ADGRL2: variants seen among roughly 807,000 people sequenced by gnomAD.
ADGRL2 encodes adhesion G protein-coupled receptor L2.
In ADGRL2, 44 loss-of-function variants were observed where a neutral mutation model predicts 157.4. That is an observed-to-expected ratio of 0.28 (90% confidence interval 0.22 to 0.36). ADGRL2 has a LOEUF of 0.36. Ranked by LOEUF, ADGRL2 falls within the 10% of genes least tolerant of loss-of-function variation. The pLI is 1.00. For missense variants in ADGRL2, 1,510 were observed against 1,768.9 expected, an observed-to-expected ratio of 0.85 and a Z score of 2.63; for synonymous variants, 585 against 624.7, an observed-to-expected ratio of 0.94 and a Z score of 0.95.
intron 1 of ADGRL2, among the ~76,000 whole-genome samples, chr1:81,817,743 G>A (rs1007697260): frequency 2.6e-5 from 4 of 151,966 alleles, no homozygotes; most frequent in African/African-American, 9.7e-5. Flanking sequence ...CCCATTCTGT[G>A]TTGTGCATTC....
chr1:81,406,437 G>A (rs1202706694), intron 1 of ADGRL2, among the ~76,000 whole-genome samples: 1 of 152,120 alleles, frequency 6.6e-6, no homozygotes, highest in Non-Finnish European at 1.5e-5. Flanking sequence ...TTCCTAAATA[G>A]TAACATCTGG....
chr1:81,353,946 G>A (rs181972054), intron 1 of ADGRL2, among the ~76,000 whole-genome samples: 13 of 152,240 alleles, frequency 8.5e-5, no homozygotes, highest in East Asian at 3.9e-4. Context: ...TTTGAGAAGC[G>A]TAGCATTTAA....
chr1:81,560,419 T>C (rs2080412924), intron 2 of ADGRL2, among the ~76,000 whole-genome samples: 1 of 152,334 alleles, frequency 6.6e-6, no homozygotes, highest in African/African-American at 2.4e-5. Context: ...TGAGTTAATA[T>C]ACATCGAATC....
chr1:81,990,284 AATAC>A, intron 23 of ADGRL2, 103 bp from the exon 24 acceptor site: 1 of 1,508,944 alleles, frequency 6.6e-7, no homozygotes, highest in East Asian at 2.3e-5. Flanking sequence ...TTAGCTTTCA[AATAC>A]AACTTTGTCC....
Position 81,315,332 on chromosome 1 carries a change from T to TA in ADGRL2, c.-302+8833dup, listed in dbSNP as rs138474331. Among the ~76,000 whole-genome samples, 1,374 of 149,086 alleles carry TA rather than the reference T, an allele frequency of 9.2e-3. 17 individuals are homozygous for TA. Among genetic ancestry groups the TA allele is most frequent in the African/African-American group, 0.031 (1,264 of 40,862 alleles). ...TAAGGGGTGACCTGATTCTTTGCCA[T>TA]AAAAAAAAAATCACATCCAGATTGC... On this transcript the variant is annotated intron_variant, in intron 1 of 24. Coordinates refer to the ADGRL2 transcript ENST00000370721.
chr1:81,831,028 G>A (rs12067253), intron 1 of ADGRL2, among the ~76,000 whole-genome samples: 42,925 of 152,018 alleles, frequency 0.28, 6,660 homozygotes, highest in Middle Eastern at 0.49. Flanking sequence ...ATCCAGTGCA[G>A]TGAGCCAAAC....
At chr1:81,752,846 C>A (rs2085534613) in intron 1 of ADGRL2, among the ~76,000 whole-genome samples, 1 of 152,060 alleles carries the variant, frequency 6.6e-6, no homozygotes, top group Non-Finnish European at 1.5e-5. Context: ...AAAATAGCAA[C>A]AAATATTATT....
At chr1:81,724,146 G>C (rs954540683) in intron 1 of ADGRL2, among the ~76,000 whole-genome samples, 8 of 152,004 alleles carry the variant, frequency 5.3e-5, no homozygotes, top group African/African-American at 1.7e-4. Context: ...GTAATACATA[G>C]AGTAATGGTA....
At chr1:81,894,906 T>C (rs2094348432) in intron 2 of ADGRL2, among the ~76,000 whole-genome samples, 1 of 152,148 alleles carries the variant, frequency 6.6e-6, no homozygotes, top group African/African-American at 2.4e-5. Flanking sequence ...CATCACAGCC[T>C]TAAGTGGGTA....
intron 1 of ADGRL2, among the ~76,000 whole-genome samples, chr1:81,754,171 T>A (rs949824113): frequency 2.6e-5 from 4 of 151,460 alleles, no homozygotes; most frequent in African/African-American, 9.7e-5. Context: ...CCTTCCTCCC[T>A]CCCTCCTTTG....
At chr1:81,564,871 A>G (rs568174210) in intron 2 of ADGRL2, among the ~76,000 whole-genome samples, 26 of 152,262 alleles carry the variant, frequency 1.7e-4, no homozygotes, top group Middle Eastern at 3.4e-3. Context: ...TCCTGAATGA[A>G]TGTCTTATGG....
At chr1:81,428,727 A>G (rs566577217) in intron 1 of ADGRL2, among the ~76,000 whole-genome samples, 5 of 152,104 alleles carry the variant, frequency 3.3e-5, no homozygotes, top group Admixed American at 2.6e-4. Context: ...CTTTTCTGCA[A>G]GTTTTTCTGC....
At chr1:81,762,910 G>T (rs2085938857) in intron 2 of ADGRL2, among the ~76,000 whole-genome samples, 1 of 151,914 alleles carries the variant, frequency 6.6e-6, no homozygotes, top group Non-Finnish European at 1.5e-5. Flanking sequence ...AAATTAGCTA[G>T]GTGTGGTGGT....
chr1:81,411,506 C>G (rs1373881385), intron 1 of ADGRL2, among the ~76,000 whole-genome samples: 7 of 152,020 alleles, frequency 4.6e-5, no homozygotes, highest in African/African-American at 1.7e-4. Context: ...TTGCTAATGA[C>G]CTCAAAGTTA....
chr1:81,841,104 A>G (rs1348091230), intron 2 of ADGRL2, among the ~76,000 whole-genome samples: 2 of 152,172 alleles, frequency 1.3e-5, no homozygotes, highest in African/African-American at 2.4e-5. Context: ...AGTAATGCAG[A>G]TTTCAGGTTG....
intron 2 of ADGRL2, among the ~76,000 whole-genome samples, chr1:81,503,766 C>A (rs1163900160): frequency 6.6e-6 from 1 of 152,140 alleles, no homozygotes; most frequent in Non-Finnish European, 1.5e-5. Context: ...CCTCCCAGCT[C>A]GGGGCACAGT....
chr1:81,694,091 G>A (rs555545475), intron 3 of ADGRL2, among the ~76,000 whole-genome samples: 1 of 152,150 alleles, frequency 6.6e-6, no homozygotes, highest in East Asian at 1.9e-4. Context: ...AGCATATTTT[G>A]TACTCACTTT....
chr1:81,993,073 ATATATATATATATATTTTTTTTTTTTT>A lies in ADGRL2; in HGVS notation c.*1930_*1956del, dbSNP rs1664847809. 3.2e-5 allele frequency among the ~76,000 whole-genome samples: 1 copy of A among 31,050 alleles called. No individual in the cohort carries two copies. Among genetic ancestry groups the A allele is most frequent in the African/African-American group, 2.0e-4 (1 of 4,926 alleles). The allele number at this position is 31,050 out of a possible 152,430, so 20.4% of individuals were successfully genotyped here. On this transcript the variant is annotated 3_prime_UTR_variant, in exon 24 of 24. Transcript: ENST00000686636. Reference sequence around the variant, plus strand: ...ATATAATATACATATATATATATATATATATATATATATATTTTTTTTTTTTTTTTTTTTTTTTTTTTTTTTGGGACA... The same window carrying A: ...ATATAATATACATATATATATATATATTTTTTTTTTTTTTTTTTTGGGACA...
At chr1:81,732,412 CATT>C (rs2084757553) in intron 1 of ADGRL2, among the ~76,000 whole-genome samples, 1 of 152,114 alleles carries the variant, frequency 6.6e-6, no homozygotes, top group African/African-American at 2.4e-5. Flanking sequence ...TTACCAATAT[CATT>C]ATTAATATTT....
Sources: allele counts gnomAD v4.1 joint callset (sites outside exome capture counted in the v4.1 genomes callset), GRCh38; gene constraint gnomAD v4.1.1; transcripts MANE v1.5; gene names NCBI Gene and HGNC (gene_info 2026-07-23, HGNC 2026-07-21).